The following STK10 variants were observed in gnomAD, a reference collection of about 807,000 sequenced individuals.
The protein encoded by STK10 is serine/threonine-protein kinase 10.
Under a neutral mutation model 113.8 loss-of-function variants are expected in STK10, and 78 were observed. The ratio of observed to expected loss-of-function variants is 0.69; its 90% CI spans 0.57 to 0.83. STK10 has a LOEUF of 0.83. Among genes scored for constraint, STK10 ranks in the 40% least tolerant of loss-of-function variants. STK10 has a pLI of 0.00. For synonymous variants in STK10, 465 were observed against 494.7 expected, an observed-to-expected ratio of 0.94 and a Z score of 0.80; for missense variants, 1,109 against 1,280.1, an observed-to-expected ratio of 0.87 and a Z score of 2.04.
intron 1 of STK10, among the ~76,000 whole-genome samples, chr5:172,172,423 G>C (rs17074396): frequency 6.6e-6 from 1 of 152,142 alleles, no homozygotes; most frequent in South Asian, 2.1e-4. Context: ...AGCTATACCC[G>C]TGTTCCACCA....
At chr5:172,079,624 T>C (rs551465660) in intron 12 of STK10, among the ~76,000 whole-genome samples, 37 of 152,218 alleles carry the variant, frequency 2.4e-4, no homozygotes, top group African/African-American at 8.2e-4. Context: ...TGCAATGGCA[T>C]GATCTCGGCT....
rs1475870342 is a variant in STK10, at chr5:172,106,401, C to CAGAAAAA, written c.788+218_788+219insTTTTTCT. Among the ~76,000 whole-genome samples the CAGAAAAA allele has an allele frequency of 7.9e-4, 42 of 53,440 alleles. 3 individuals carry two copies. The highest frequency in any genetic ancestry group is 4.7e-3 in the East Asian group (5 of 1,064). 35.1% of individuals were successfully genotyped at this position (53,440 alleles called of 152,430 possible). On this transcript the variant is annotated intron_variant, in intron 6 of 18. Coordinates refer to ENST00000176763, the MANE Select transcript of STK10 (RefSeq NM_005990.4). ...TGGGCAAAAGAGTGAGACCCTATCTCAAAAAAAAAAAAAAAAAGGAACACA... is the reference window on the plus strand; with the variant it reads ...TGGGCAAAAGAGTGAGACCCTATCTCAGAAAAAAAAAAAAAAAAAAAAAAGGAACACA...
At chr5:172,083,232 T>C (rs1768474306) in intron 10 of STK10, 148 bp from the exon 11 acceptor site, 1 of 919,248 alleles carries the variant, frequency 1.1e-6, no homozygotes, top group Admixed American at 3.0e-5. Flanking sequence ...AGGCTTCATT[T>C]GATATTTATT....
At chr5:172,099,465 C>T (rs1209803269) in intron 7 of STK10, among the ~76,000 whole-genome samples, 3 of 152,150 alleles carry the variant, frequency 2.0e-5, no homozygotes, top group Admixed American at 6.5e-5. Context: ...CACTTGAACC[C>T]GGGAGGCAGA....
At chr5:172,094,436 C>A (rs891773619) in intron 8 of STK10, among the ~76,000 whole-genome samples, 1 of 152,070 alleles carries the variant, frequency 6.6e-6, no homozygotes, top group African/African-American at 2.4e-5. Flanking sequence ...CATCTTGGCT[C>A]AATGCAACCT....
Position 172,074,741 on chromosome 5 carries a change from G to A in STK10, c.1989+7585C>T, listed in dbSNP as rs116455682. ...AGTACTAATTAAAAAATTAGCAGCC[G>A]GGTGCGTTGGCTCACAACAGTAATC... On this transcript the variant is annotated intron_variant, in intron 12 of 18. Coordinates refer to ENST00000176763, the MANE Select transcript of STK10 (RefSeq NM_005990.4). 2.6e-3 allele frequency among the ~76,000 whole-genome samples: 393 copies of A among 152,224 alleles called. 3 individuals are homozygous for A. The highest frequency in any genetic ancestry group is 8.9e-3 in the African/African-American group (371 of 41,536).
intron 18 of STK10, among the ~76,000 whole-genome samples, chr5:172,052,452 C>T (rs1767648507): frequency 6.6e-6 from 1 of 152,206 alleles, no homozygotes; most frequent in Admixed American, 6.5e-5. Context: ...AGAGCCCACC[C>T]AGACTCTTGA....
chr5:172,137,814 A>G (rs1351557620), intron 2 of STK10, among the ~76,000 whole-genome samples: 1 of 148,500 alleles, frequency 6.7e-6, no homozygotes, highest in Non-Finnish European at 1.5e-5. Flanking sequence ...AATGGCATGA[A>G]CCTGGAGGCG....
chr5:172,144,092 A>G (rs1770032697), intron 2 of STK10, among the ~76,000 whole-genome samples: 2 of 152,236 alleles, frequency 1.3e-5, no homozygotes, highest in Non-Finnish European at 2.9e-5. Context: ...CCTTCACTTA[A>G]TTTCATAAGC....
chr5:172,103,079 G>A (rs1358315890), intron 7 of STK10, among the ~76,000 whole-genome samples: 1 of 152,244 alleles, frequency 6.6e-6, no homozygotes, highest in Non-Finnish European at 1.5e-5. Context: ...AGGGAGACGT[G>A]AGAGCCAGGC....
chr5:172,074,597 C>T (rs1042044483), intron 12 of STK10, among the ~76,000 whole-genome samples: 2 of 151,988 alleles, frequency 1.3e-5, no homozygotes, highest in Non-Finnish European at 2.9e-5. Context: ...AATATAAAAC[C>T]TAAAATTGTA....
At chr5:172,114,473 A>ATATATTT (rs1226289994) in intron 4 of STK10, 13 of 47,540 alleles carry the variant, frequency 2.7e-4, no homozygotes, top group African/African-American at 1.3e-3. Context: ...ATATATATAT[A>ATATATTT]TTTTTTTTTT....
chr5:172,150,831 C>T (rs1561827203), intron 2 of STK10, among the ~76,000 whole-genome samples: 1 of 152,334 alleles, frequency 6.6e-6, no homozygotes, highest in Non-Finnish European at 1.5e-5. Context: ...AGAAGCCACA[C>T]TGAGAAAGGC....
In STK10 at chr5:172,106,468, C is replaced by T. The variant is rs995421975; in HGVS notation, c.788+152G>A. On this transcript the variant is annotated intron_variant, in intron 6 of 18. Transcript: ENST00000176763. ...CGAAGGGCCCGGGGGGGCTCAGAAACGCCTGAAGACCCCCAGGCCCCAACC... is the reference window on the plus strand; with the variant it reads ...CGAAGGGCCCGGGGGGGCTCAGAAATGCCTGAAGACCCCCAGGCCCCAACC... 7.7e-6 allele frequency: 5 copies of T among 645,918 alleles called. No individual in the cohort carries two copies. The East Asian group carries it at 1.2e-4, about 15-fold the overall frequency. The allele number at this position is 645,918 out of a possible 1,614,324, so 40.0% of individuals were successfully genotyped here. A position where few individuals can be genotyped will look rare whatever the true frequency, so the allele number is the denominator to read the frequency against.
intron 12 of STK10, among the ~76,000 whole-genome samples, chr5:172,081,992 A>T (rs532445339): frequency 6.6e-6 from 1 of 152,260 alleles, no homozygotes; most frequent in South Asian, 2.1e-4. Context: ...TTCTGGGAAC[A>T]GCATCTCAAA....
chr5:172,121,423 T>A (rs1769507255), intron 3 of STK10, among the ~76,000 whole-genome samples: 2 of 152,254 alleles, frequency 1.3e-5, no homozygotes, highest in East Asian at 1.9e-4. Flanking sequence ...CACTGCAGCC[T>A]CGATCTCCCA....
intron 17 of STK10, among the ~76,000 whole-genome samples, chr5:172,053,927 C>T (rs1224415010): frequency 2.0e-5 from 3 of 152,202 alleles, no homozygotes; most frequent in Non-Finnish European, 4.4e-5. Flanking sequence ...AAAACGGATG[C>T]GGAAGGTGAA....
In STK10 at chr5:172,042,950, G is replaced by A. The variant is rs944816156; in HGVS notation, c.*1932C>T. On this transcript the variant is annotated 3_prime_UTR_variant, in exon 19 of 19. Coordinates refer to ENST00000176763, the MANE Select transcript of STK10 (RefSeq NM_005990.4). ...TCCAGGGAATTGCTTTAGAAAGACAGAGTATACAGAACCTTAACCTAGCTG... is the reference window on the plus strand; with the variant it reads ...TCCAGGGAATTGCTTTAGAAAGACAAAGTATACAGAACCTTAACCTAGCTG... 5 of 152,296 alleles carry A rather than the reference G, an allele frequency of 3.3e-5. No individual in the cohort carries two copies. Among genetic ancestry groups the A allele is most frequent in the South Asian group, 2.1e-4 (1 of 4,826 alleles). 9.4% of individuals were successfully genotyped at this position (152,296 alleles called of 1,614,324 possible).
At chr5:172,185,568 A>C (rs756485750) in intron 1 of STK10, among the ~76,000 whole-genome samples, 17 of 152,112 alleles carry the variant, frequency 1.1e-4, no homozygotes, top group Non-Finnish European at 2.2e-4. Context: ...CGCCCGGCCC[A>C]AAAAACCCAT....
Sources: gnomAD v4.1 joint callset for allele counts (sites outside exome capture counted in the v4.1 genomes callset) on GRCh38, gnomAD v4.1.1 for gene constraint, MANE v1.5 for transcripts, NCBI Gene and HGNC (gene_info 2026-07-23, HGNC 2026-07-21) for gene names.